The following ZNF106 variants were observed in gnomAD, a reference collection of about 807,000 sequenced individuals.
The protein encoded by ZNF106 is zinc finger protein 106, also known as SH3-domain binding protein 3.
ZNF106 carries 67 observed loss-of-function variants against 195.1 expected under a neutral mutation model. The ratio of observed to expected loss-of-function variants is 0.34; its 90% CI spans 0.28 to 0.42. The LOEUF is 0.42. ZNF106 is among the 10% of genes least tolerant of loss of function. ZNF106 has a pLI of 1.00. For synonymous variants in ZNF106, 784 were observed against 818.6 expected (o/e 0.96, Z 0.72); for missense variants, 2,118 against 2,304.5 (o/e 0.92, Z 1.66).
intron 3 of ZNF106, among the ~76,000 whole-genome samples, chr15:42,464,655 T>G (rs561018688): frequency 2.0e-5 from 3 of 150,986 alleles, no homozygotes; most frequent in Non-Finnish European, 4.4e-5. Flanking sequence ...GGCTGATGAG[T>G]AGCTGGGACT....
intron 1 of ZNF106, among the ~76,000 whole-genome samples, chr15:42,490,609 T>C (rs566241426): frequency 2.4e-4 from 36 of 151,836 alleles, no homozygotes; most frequent in South Asian, 8.3e-4. Flanking sequence ...TCGCGAGAGG[T>C]TGAAATGTGT....
intron 1 of ZNF106, among the ~76,000 whole-genome samples, chr15:42,477,421 T>C (rs1288499055): frequency 1.3e-5 from 2 of 152,214 alleles, no homozygotes; most frequent in African/African-American, 2.4e-5. Flanking sequence ...AAGATAGAGA[T>C]AGTATAGTTT....
intron 1 of ZNF106, among the ~76,000 whole-genome samples, chr15:42,483,663 G>A (rs2056953390): frequency 6.6e-6 from 1 of 152,110 alleles, no homozygotes; most frequent in South Asian, 2.1e-4. Flanking sequence ...ATATTTAAAA[G>A]GTCTTACAAG....
Position 42,440,002 on chromosome 15 carries a change from C to T in ZNF106, c.3764-189G>A, listed in dbSNP as rs187574034. On this transcript the variant is annotated intron_variant, in intron 10 of 21. Coordinates refer to ENST00000564754, the MANE Select transcript of ZNF106 (RefSeq NM_001366845.3). ...ACAACACTTACTACCCTCTGCCTTG[C>T]GTGAATCTCACAAACACTGTGTGTC... Among the ~76,000 whole-genome samples the T allele has an allele frequency of 4.6e-5, 7 of 152,336 alleles. No homozygotes were observed. In the East Asian group the frequency reaches 9.6e-4, roughly 21 times the overall value.
Position 42,442,262 on chromosome 15 carries a change from G to A in ZNF106, c.3574C>T (p.Pro1192Ser). 2 of 1,614,132 alleles carry A rather than the reference G, an allele frequency of 1.2e-6. No individual in the cohort carries two copies. The highest frequency in any genetic ancestry group is 2.2e-5 in the South Asian group (2 of 91,076). The change falls in exon 10 of 22, where the codon CCA becomes TCA. Residue 1192 changes from proline (P) to serine (S), a missense_variant. Transcript: ENST00000564754. ...TGAAGAGAGGCTCCGGTGGGTGATG[G>A]AGACACATGGGAAGATGGAGGCTCC... ...FLEPPSSHVS[P>S]SPTGASLQIT...
At chr15:42,467,997 A>G (rs1279600998) in intron 2 of ZNF106, among the ~76,000 whole-genome samples, 2 of 152,046 alleles carry the variant, frequency 1.3e-5, no homozygotes, top group East Asian at 3.9e-4. Context: ...GTCAAAAACA[A>G]TACAACACAA....
At chr15:42,418,859 T>A (rs1238940671) in intron 20 of ZNF106, among the ~76,000 whole-genome samples, 1 of 152,024 alleles carries the variant, frequency 6.6e-6, no homozygotes, top group African/African-American at 2.4e-5. Flanking sequence ...TACCTACTTA[T>A]TTTTTTAAGC....
chr15:42,435,952 T>A (rs1462197150), intron 13 of ZNF106, among the ~76,000 whole-genome samples: 1 of 142,430 alleles, frequency 7.0e-6, no homozygotes, highest in Non-Finnish European at 1.5e-5. Flanking sequence ...GGTTCTGGTG[T>A]TGTTTCTTTT....
Position 42,450,485 on chromosome 15 carries a change from T to G in ZNF106, c.1787A>C (p.Glu596Ala), listed in dbSNP as rs753738288. ...AKASRNVEESEKGSLKIEFQV... is the reference protein window; with the variant it reads ...AKASRNVEESAKGSLKIEFQV... The stretch of plus-strand genomic sequence containing the variant: ...AAACTCAATTTTCAAAGACCCTTTT[T>G]CAGATTCTTCTACATTTCTACTTGC... Residue 596 changes from glutamate to alanine, a missense_variant, in exon 5 of 22, where the codon GAA becomes GCA. Glu to Ala is a moderately radical substitution (Grantham distance 107). Coordinates refer to ENST00000564754, the MANE Select transcript of ZNF106 (RefSeq NM_001366845.3). The G allele has an allele frequency of 6.2e-7, 1 of 1,614,052 alleles. No homozygotes were observed. Among genetic ancestry groups the G allele is most frequent in the East Asian group, 2.2e-5 (1 of 44,886 alleles).
chr15:42,472,346 TA>T, intron 1 of ZNF106, 25 bp from the exon 2 acceptor site: 2 of 1,501,780 alleles, frequency 1.3e-6, no homozygotes, highest in Non-Finnish European at 1.8e-6. Context: ...TAACATTTAG[TA>T]ACCTTTTCTC....
At chr15:42,421,874 A>T (rs755693763) in intron 19 of ZNF106, 43 bp downstream of exon 19, 26 of 1,477,262 alleles carry the variant, frequency 1.8e-5, no homozygotes, top group Non-Finnish European at 2.2e-5. Flanking sequence ...TTTTTAGCAA[A>T]CACATTCAAA....
At chr15:42,431,126 A>G (rs1328151848) in intron 14 of ZNF106, among the ~76,000 whole-genome samples, 1 of 152,034 alleles carries the variant, frequency 6.6e-6, no homozygotes, top group Non-Finnish European at 1.5e-5. Context: ...ATAATTTAGA[A>G]GTATCTTATT....
chr15:42,472,128 C>A, intron 2 of ZNF106, 108 bp downstream of exon 2: 1 of 1,067,160 alleles, frequency 9.4e-7, no homozygotes, highest in Non-Finnish European at 1.3e-6. Context: ...ATTGTCAAAG[C>A]TTTTCCTATT....
chr15:42,437,628 C>T (rs1464851890), intron 12 of ZNF106, among the ~76,000 whole-genome samples: 1 of 152,130 alleles, frequency 6.6e-6, no homozygotes, highest in East Asian at 1.9e-4. Flanking sequence ...GCTTTTGGGC[C>T]AGGCGTGGTG....
rs1595450652 is a variant in ZNF106 at position 42,437,043 on chromosome 15, T to C, written c.4746+189A>G. ...AGAGGTGATACCAGAGAAGGCAGAG[T>C]AGGGAGACAAAAAGAAATTAAGTCC... On this transcript the variant is annotated intron_variant, in intron 13 of 21. Transcript: ENST00000564754. 1.3e-5 allele frequency among the ~76,000 whole-genome samples: 2 copies of C among 152,154 alleles called. 1 individual carries two copies. The highest frequency in any genetic ancestry group is 1.3e-4 in the Admixed American group (2 of 15,274).
intron 9 of ZNF106, among the ~76,000 whole-genome samples, chr15:42,443,695 G>A (rs1366371721): frequency 4.0e-5 from 6 of 151,508 alleles, no homozygotes; most frequent in South Asian, 2.1e-4. Flanking sequence ...GTGCCACTGC[G>A]CTCCAGCCTG....
At chr15:42,464,194 G>GATCACAAGGT (rs1555430565) in intron 3 of ZNF106, among the ~76,000 whole-genome samples, 8 of 151,854 alleles carry the variant, frequency 5.3e-5, no homozygotes, top group Admixed American at 6.6e-5. Context: ...ACTAAAATTA[G>GATCACAAGGT]CCGGATGTGG....
At chr15:42,426,148 T>G (rs575753488) in intron 15 of ZNF106, among the ~76,000 whole-genome samples, 16 of 152,266 alleles carry the variant, frequency 1.1e-4, no homozygotes, top group Non-Finnish European at 1.9e-4. Context: ...GGACCGGCCC[T>G]GGTAAACAGT....
intron 1 of ZNF106, among the ~76,000 whole-genome samples, chr15:42,474,088 A>G (rs959024876): frequency 1.3e-5 from 2 of 152,190 alleles, no homozygotes; most frequent in African/African-American, 2.4e-5. Context: ...CCAGCCACCA[A>G]TGAGAGACCC....
Sources: allele counts gnomAD v4.1 joint callset (sites outside exome capture counted in the v4.1 genomes callset), GRCh38; gene constraint gnomAD v4.1.1; transcripts MANE v1.5; gene names NCBI Gene and HGNC (gene_info 2026-07-23, HGNC 2026-07-21).